AMOTL1: variants seen among roughly 807,000 people sequenced by gnomAD.
The protein encoded by AMOTL1 is angiomotin like 1.
In AMOTL1, 45 loss-of-function variants were observed where a neutral mutation model predicts 102.9. The observed-to-expected ratio is 0.44, with a 90% CI of 0.34 to 0.56. The LOEUF (loss-of-function observed/expected upper bound fraction) is 0.56. Ranked by LOEUF, AMOTL1 falls within the 20% of genes least tolerant of loss-of-function variation. The pLI, the probability that AMOTL1 is intolerant of heterozygous loss-of-function variation, is 0.01. For synonymous variants in AMOTL1, 481 were observed against 484.7 expected, an observed-to-expected ratio of 0.99 and a Z score of 0.10; for missense variants, 1,114 against 1,225.6, an observed-to-expected ratio of 0.91 and a Z score of 1.36.
intron 6 of AMOTL1, among the ~76,000 whole-genome samples, chr11:94,849,380 T>C (rs888395310): frequency 1.3e-5 from 2 of 152,244 alleles, no homozygotes; most frequent in Non-Finnish European, 2.9e-5. Flanking sequence ...TCCATGACAC[T>C]ATCGACGCTG....
At chr11:94,724,059 C>G (rs182449077) in intron 1 of AMOTL1, among the ~76,000 whole-genome samples, 2 of 152,230 alleles carry the variant, frequency 1.3e-5, no homozygotes, top group Non-Finnish European at 2.9e-5. Context: ...GACCTAGATC[C>G]TAGATGACGG....
At position 94,795,105 on chromosome 11, in the gene AMOTL1, G is replaced by A. The variant is rs1418680161; in HGVS notation, c.144G>A (p.Arg48=). Reference sequence around the variant, plus strand: ...CAGACTTTCAGCTCTATTCTGGGAGGCATGAAACATCTGCTTTGACGGTGG... The same window carrying A: ...CAGACTTTCAGCTCTATTCTGGGAGACATGAAACATCTGCTTTGACGGTGG... The part of the protein sequence containing the change: ...FSPDFQLYSG[R]HETSALTVEA... Residue 48 remains arginine, a synonymous_variant, in exon 2 of 13, where the codon AGG becomes AGA. Coordinates refer to ENST00000433060, the MANE Select transcript of AMOTL1 (RefSeq NM_130847.3). 3 of 1,613,792 alleles carry A rather than the reference G, an allele frequency of 1.9e-6. No homozygotes were observed. Among genetic ancestry groups the A allele is most frequent in the East Asian group, 2.2e-5 (1 of 44,888 alleles).
chr11:94,709,855 G>A (rs1281361953), intron 1 of AMOTL1, among the ~76,000 whole-genome samples: 2 of 152,014 alleles, frequency 1.3e-5, no homozygotes, highest in African/African-American at 2.4e-5. Context: ...CTCTGAAGCC[G>A]GCTGAGATCA....
rs776700766 is a variant in AMOTL1 at position 94,800,002 on chromosome 11, A to G, written c.812A>G (p.Glu271Gly). Reference sequence around the variant, plus strand: ...GAGAGAATCATGCAGCTGTCCCTGGAGAGGAATGGGGCCAAGCAACACCTT... The same window carrying G: ...GAGAGAATCATGCAGCTGTCCCTGGGGAGGAATGGGGCCAAGCAACACCTT... ...LSERIMQLSL[E>G]RNGAKQHLPG... Residue 271 changes from glutamate (E) to glycine (G), a missense_variant, in exon 3 of 13, where the codon GAG (glutamate) becomes GGG (glycine). Coordinates refer to ENST00000433060, the MANE Select transcript of AMOTL1 (RefSeq NM_130847.3). 4 of 1,614,048 alleles carry G rather than the reference A, an allele frequency of 2.5e-6. No individual in the cohort carries two copies. Among genetic ancestry groups the G allele is most frequent in the South Asian group, 1.1e-5 (1 of 91,082 alleles).
At chr11:94,730,521 C>T (rs898009630) in intron 2 of AMOTL1, among the ~76,000 whole-genome samples, 5 of 152,174 alleles carry the variant, frequency 3.3e-5, no homozygotes, top group African/African-American at 4.8e-5. Flanking sequence ...TGTCACAGCA[C>T]GTATCATCAC....
intron 9 of AMOTL1, among the ~76,000 whole-genome samples, chr11:94,861,038 G>C (rs1474691517): frequency 6.6e-6 from 1 of 152,202 alleles, no homozygotes; most frequent in Non-Finnish European, 1.5e-5. Flanking sequence ...CAGCACACTT[G>C]CACCGAGAAA....
At chr11:94,859,755 T>TA (rs756670621) in intron 9 of AMOTL1, 40 bp downstream of exon 9, 31 of 1,532,536 alleles carry the variant, frequency 2.0e-5, no homozygotes, top group Middle Eastern at 3.5e-4. Flanking sequence ...AAAGCACAGT[T>TA]AAAAAAATCA....
At chr11:94,822,213 T>C (rs1446520635) in intron 4 of AMOTL1, among the ~76,000 whole-genome samples, 1 of 152,186 alleles carries the variant, frequency 6.6e-6, no homozygotes, top group African/African-American at 2.4e-5. Context: ...TTTGTGAGGC[T>C]GAGGCAGGTG....
intron 3 of AMOTL1, among the ~76,000 whole-genome samples, chr11:94,759,173 AT>A (rs1235993183): frequency 3.3e-5 from 5 of 151,078 alleles, no homozygotes; most frequent in Admixed American, 6.6e-5. Context: ...AGCATTCATA[AT>A]TTTTTTTTCA....
intron 6 of AMOTL1, among the ~76,000 whole-genome samples, chr11:94,831,854 C>CCCTTT (rs760176554): frequency 1.3e-5 from 2 of 152,292 alleles, no homozygotes; most frequent in Non-Finnish European, 2.9e-5. Flanking sequence ...TAAGTTACAA[C>CCCTTT]CCTTTTTCTC....
chr11:94,828,081 G>A (rs996678200), intron 4 of AMOTL1, among the ~76,000 whole-genome samples: 8 of 152,152 alleles, frequency 5.3e-5, no homozygotes, highest in Admixed American at 2.0e-4. Flanking sequence ...TCGCCAATAT[G>A]TGCAGCAGGT....
Position 94,870,689 on chromosome 11 carries a change from A to G in AMOTL1, c.2765A>G (p.Glu922Gly). The change falls in exon 13 of 13, where the codon GAG (glutamate) becomes GGG (glycine). Residue 922 changes from glutamate (E) to glycine (G), a missense_variant and splice_region_variant. Physicochemically the swap from Glu to Gly is moderately conservative, Grantham distance 98 (BLOSUM62 -2). Coordinates refer to ENST00000433060, the MANE Select transcript of AMOTL1 (RefSeq NM_130847.3). ...CTGATGTTTCCCCTCTATTTGGCAGAGAACTCTCCTGGCCATGGGAAGTCG... is the reference window on the plus strand; with the variant it reads ...CTGATGTTTCCCCTCTATTTGGCAGGGAACTCTCCTGGCCATGGGAAGTCG... ...PAAKGTAEKLENSPGHGKSPD... is the reference protein window; with the variant it reads ...PAAKGTAEKLGNSPGHGKSPD... 1 of 1,593,506 alleles carries G rather than the reference A, an allele frequency of 6.3e-7. No individual in the cohort carries two copies. The highest frequency in any genetic ancestry group is 1.1e-5 in the South Asian group (1 of 87,730).
chr11:94,846,461 C>T (rs1212497156), intron 6 of AMOTL1, among the ~76,000 whole-genome samples: 1 of 152,176 alleles, frequency 6.6e-6, no homozygotes, highest in Non-Finnish European at 1.5e-5. Flanking sequence ...GAAGCTGAAG[C>T]ACAGAGAGGT....
At chr11:94,764,667 C>T (rs949010462), upstream of AMOTL1, among the ~76,000 whole-genome samples, 1 of 152,260 alleles carries the variant, frequency 6.6e-6, no homozygotes. Flanking sequence ...TCTTAGGGCC[C>T]ATTCAGTGAA....
At position 94,814,091 on chromosome 11, in the gene AMOTL1, CTG is replaced by C. The variant is rs376262133; in HGVS notation, c.1122-7438_1122-7437del. On this transcript the variant is annotated intron_variant, in intron 3 of 12. Coordinates refer to ENST00000433060, the MANE Select transcript of AMOTL1 (RefSeq NM_130847.3). ...TCTATCTTTTAACATTTATTTAACT[CTG>C]GGATTTGGAAGTCACTTATGGTCAA... Among the ~76,000 whole-genome samples the C allele has an allele frequency of 4.0e-3, 611 of 152,260 alleles. 3 individuals are homozygous for C. Among genetic ancestry groups the C allele is most frequent in the African/African-American group, 0.014 (591 of 41,562 alleles).
At chr11:94,869,739 C>T (rs1407739631) in intron 12 of AMOTL1, among the ~76,000 whole-genome samples, 2 of 152,290 alleles carry the variant, frequency 1.3e-5, no homozygotes, top group South Asian at 4.1e-4. Flanking sequence ...AACCTTTCCC[C>T]GGATGGAGTG....
chr11:94,816,232 G>A (rs368432170), intron 3 of AMOTL1, among the ~76,000 whole-genome samples: 10 of 152,034 alleles, frequency 6.6e-5, no homozygotes, highest in Admixed American at 2.6e-4. Flanking sequence ...TTTGGCTCCC[G>A]TAAGTTTTAT....
intron 6 of AMOTL1, among the ~76,000 whole-genome samples, chr11:94,839,344 TTG>T (rs1419757709): frequency 6.6e-6 from 1 of 152,250 alleles, no homozygotes; most frequent in Non-Finnish European, 1.5e-5. Flanking sequence ...CACAGGTACA[TTG>T]TCTCTTTTAC....
intron 1 of AMOTL1, among the ~76,000 whole-genome samples, chr11:94,781,583 A>C (rs1951113432): frequency 6.6e-6 from 1 of 152,172 alleles, no homozygotes; most frequent in Admixed American, 6.5e-5. Flanking sequence ...CACGCCTGTA[A>C]TCCCAGCACT....
Sources: gnomAD v4.1 joint callset for allele counts (sites outside exome capture counted in the v4.1 genomes callset) on GRCh38, gnomAD v4.1.1 for gene constraint, MANE v1.5 for transcripts, NCBI Gene and HGNC (gene_info 2026-07-23, HGNC 2026-07-21) for gene names.